Variants in PTPRD observed in about 807,000 individuals in gnomAD.
PTPRD encodes the protein receptor-type tyrosine-protein phosphatase delta.
PTPRD carries 34 observed loss-of-function variants against 214.5 expected under a neutral mutation model. The ratio of observed to expected loss-of-function variants is 0.16; its 90% CI spans 0.12 to 0.21. The LOEUF is 0.21. Among genes scored for constraint, PTPRD ranks in the 10% least tolerant of loss-of-function variants. The probability of loss-of-function intolerance (pLI) is 1.00; values close to 1 mark genes in which losing one functional copy is unlikely to be tolerated. For missense variants in PTPRD, 2,545 were observed against 2,398.7 expected (o/e 1.06, Z -1.27); for synonymous variants, 1,128 against 845.7 (o/e 1.33, Z -5.79).
At chr9:9,160,422 C>T (rs573879509) in intron 10 of PTPRD, among the ~76,000 whole-genome samples, 20 of 152,094 alleles carry the variant, frequency 1.3e-4, no homozygotes, top group African/African-American at 4.8e-4. Flanking sequence ...CCAACAGGTA[C>T]ATTTAAAAAA....
chr9:9,564,569 C>A (rs577748747), intron 8 of PTPRD, among the ~76,000 whole-genome samples: 3 of 152,090 alleles, frequency 2.0e-5, no homozygotes, highest in South Asian at 2.1e-4. Flanking sequence ...ATTGTGAGAA[C>A]CTTTGGGTTG....
chr9:9,945,579 G>A (rs2092431094), intron 4 of PTPRD, among the ~76,000 whole-genome samples: 1 of 152,168 alleles, frequency 6.6e-6, no homozygotes, highest in South Asian at 2.1e-4. Context: ...AATGCAAGTT[G>A]AAGAATTGCA....
At chr9:8,347,187 A>G (rs1177445525) in intron 39 of PTPRD, among the ~76,000 whole-genome samples, 1 of 152,088 alleles carries the variant, frequency 6.6e-6, no homozygotes, top group East Asian at 1.9e-4. Flanking sequence ...TACACCAAAG[A>G]AATCAGGAAA....
chr9:9,573,673 T>A (rs1040898642), intron 8 of PTPRD, among the ~76,000 whole-genome samples: 1 of 151,790 alleles, frequency 6.6e-6, no homozygotes, highest in Non-Finnish European at 1.5e-5. Flanking sequence ...ATAAAATTAT[T>A]ACTCAAAGTG....
chr9:9,595,929 C>G (rs1428471672), intron 7 of PTPRD, among the ~76,000 whole-genome samples: 1 of 150,702 alleles, frequency 6.6e-6, no homozygotes, highest in Non-Finnish European at 1.5e-5. Flanking sequence ...CACTTCTTCC[C>G]GAATAACCTA....
intron 7 of PTPRD, among the ~76,000 whole-genome samples, chr9:9,592,233 T>C (rs1054275604): frequency 3.3e-5 from 5 of 152,106 alleles, no homozygotes; most frequent in African/African-American, 1.2e-4. Flanking sequence ...GCCTTTTGCC[T>C]AAATTATATC....
intron 44 of PTPRD, among the ~76,000 whole-genome samples, chr9:8,328,191 G>A (rs1835948251): frequency 6.6e-6 from 1 of 152,098 alleles, no homozygotes; most frequent in Non-Finnish European, 1.5e-5. Flanking sequence ...CTTCCTTCAG[G>A]AGCTCTTGTA....
intron 5 of PTPRD, among the ~76,000 whole-genome samples, chr9:9,776,230 C>A (rs1047705819): frequency 6.6e-6 from 1 of 152,038 alleles, no homozygotes; most frequent in East Asian, 1.9e-4. Context: ...CTTGGAATAC[C>A]CTTTTCCTGT....
chr9:9,103,611 A>G (rs1427150346), intron 10 of PTPRD, among the ~76,000 whole-genome samples: 4 of 152,182 alleles, frequency 2.6e-5, no homozygotes, highest in South Asian at 2.1e-4. Context: ...CTTTGCTTCC[A>G]TAAGAAAAAA....
chr9:9,732,457 A>G (rs2098214658), intron 7 of PTPRD, among the ~76,000 whole-genome samples: 1 of 152,178 alleles, frequency 6.6e-6, no homozygotes, highest in African/African-American at 2.4e-5. Context: ...CACCCAAAAG[A>G]TCATTTTGGC....
intron 14 of PTPRD, among the ~76,000 whole-genome samples, chr9:8,570,028 C>T (rs889515530): frequency 6.6e-6 from 1 of 152,070 alleles, no homozygotes; most frequent in African/African-American, 2.4e-5. Context: ...CAATCACCAT[C>T]GCATAAGTAG....
At chr9:10,346,166 A>G (rs1334987791) in intron 2 of PTPRD, among the ~76,000 whole-genome samples, 5 of 152,158 alleles carry the variant, frequency 3.3e-5, no homozygotes, top group Admixed American at 3.3e-4. Context: ...AAATGTTTCC[A>G]TGTAAAAATT....
intron 9 of PTPRD, among the ~76,000 whole-genome samples, chr9:9,206,192 G>A (rs2132533576): frequency 6.6e-6 from 1 of 152,306 alleles, no homozygotes; most frequent in Admixed American, 6.5e-5. Flanking sequence ...GGGGCTGAGT[G>A]AGTGATAGGG....
chr9:8,819,026 G>C (rs1171290614), intron 11 of PTPRD, among the ~76,000 whole-genome samples: 2 of 152,168 alleles, frequency 1.3e-5, no homozygotes, highest in African/African-American at 4.8e-5. Flanking sequence ...ATATTGCCAT[G>C]TCAGAAAAAG....
chr9:8,499,174 C>T (rs1367805800), intron 25 of PTPRD, among the ~76,000 whole-genome samples: 1 of 152,048 alleles, frequency 6.6e-6, no homozygotes, highest in Admixed American at 6.5e-5. Context: ...TGAAGAAGTA[C>T]TAAATATAAT....
intron 9 of PTPRD, among the ~76,000 whole-genome samples, chr9:9,185,277 G>A (rs887000862): frequency 1.3e-5 from 2 of 152,040 alleles, no homozygotes; most frequent in African/African-American, 2.4e-5. Flanking sequence ...GACAAAAATA[G>A]AGACATCTGA....
intron 5 of PTPRD, among the ~76,000 whole-genome samples, chr9:9,822,866 G>A (rs1234106834): frequency 1.3e-5 from 2 of 152,018 alleles, no homozygotes; most frequent in Middle Eastern, 3.2e-3. Context: ...CACTGTTGGT[G>A]GGAATGTAAG....
intron 39 of PTPRD, among the ~76,000 whole-genome samples, chr9:8,346,030 G>T (rs192828101): frequency 4.0e-4 from 61 of 151,990 alleles, no homozygotes; most frequent in Middle Eastern, 3.4e-3. Flanking sequence ...ATTTCAAACT[G>T]TCTTCAAGTT....
At chr9:10,566,853 G>A (rs1053686335) in intron 2 of PTPRD, among the ~76,000 whole-genome samples, 4 of 151,944 alleles carry the variant, frequency 2.6e-5, no homozygotes, top group African/African-American at 9.7e-5. Flanking sequence ...AATGAGTAGG[G>A]TTCAAAATCA....
Sources: gnomAD v4.1 joint callset for allele counts (sites outside exome capture counted in the v4.1 genomes callset) on GRCh38, gnomAD v4.1.1 for gene constraint, MANE v1.5 for transcripts, NCBI Gene and HGNC (gene_info 2026-07-23, HGNC 2026-07-21) for gene names.